NR2F6: variants seen among roughly 807,000 people sequenced by gnomAD.
NR2F6 encodes the protein nuclear receptor subfamily 2 group F member 6, also known as ERBA-related gene-2.
In NR2F6, 16 loss-of-function variants were observed where a neutral mutation model predicts 26.5. The observed-to-expected ratio is 0.60, with a 90% CI of 0.41 to 0.92. The LOEUF is 0.92. Among genes scored for constraint, NR2F6 ranks in the 40% least tolerant of loss-of-function variants. NR2F6 has a pLI of 0.00. For missense variants in NR2F6, 536 were observed against 631.7 expected (o/e 0.85, Z 1.62); for synonymous variants, 325 against 305.0 (o/e 1.07, Z -0.68).
At chr19:17,238,406 T>A (rs1011606439) in intron 2 of NR2F6, among the ~76,000 whole-genome samples, 1 of 152,006 alleles carries the variant, frequency 6.6e-6, no homozygotes, top group Non-Finnish European at 1.5e-5. Flanking sequence ...AGGTGATGTT[T>A]GAGCAAACCT....
intron 2 of NR2F6, among the ~76,000 whole-genome samples, chr19:17,236,794 G>A (rs1263884992): frequency 7.6e-6 from 1 of 131,742 alleles, no homozygotes; most frequent in African/African-American, 3.4e-5. Context: ...GTAAGGAGGG[G>A]TCCCAGGGGG....
chr19:17,245,061 C>A lies in NR2F6; in HGVS notation c.160G>T (p.Val54Leu). 6.3e-7 allele frequency: 1 copy of A among 1,599,734 alleles called. No homozygotes were observed. Residue 54 changes from valine (V) to leucine (L), a missense_variant, in exon 1 of 4, where the codon GTG (valine) becomes TTG (leucine). By Grantham distance (32) the Val-to-Leu change is conservative (BLOSUM62 1). Transcript: ENST00000291442. The surrounding 1 kb of genome is among the most constrained non-coding windows in gnomAD (Gnocchi z 5.0). Reference sequence around the variant, plus strand: ...TTGTCCCCGCACACCACGCAGTCCACCTGCAGCCCCGGCCGCTCCTCGTCG... The same window carrying A: ...TTGTCCCCGCACACCACGCAGTCCAACTGCAGCCCCGGCCGCTCCTCGTCG... ...PGDEERPGLQVDCVVCGDKSS... is the reference protein window; with the variant it reads ...PGDEERPGLQLDCVVCGDKSS...
chr19:17,244,743 G>A (rs551698602), intron 1 of NR2F6, among the ~76,000 whole-genome samples, 200 bp downstream of exon 1: 2 of 152,186 alleles, frequency 1.3e-5, no homozygotes, highest in Non-Finnish European at 2.9e-5. Context: ...GATGGGGGGG[G>A]AACCTGCAAC....
At chr19:17,238,467 T>C (rs2073451184) in intron 2 of NR2F6, among the ~76,000 whole-genome samples, 1 of 152,082 alleles carries the variant, frequency 6.6e-6, no homozygotes, top group Non-Finnish European at 1.5e-5. Context: ...AAAAGTGCAC[T>C]CCAGGCAGAG....
chr19:17,240,167 G>T (rs556843572), intron 2 of NR2F6, among the ~76,000 whole-genome samples: 2 of 152,358 alleles, frequency 1.3e-5, no homozygotes, highest in East Asian at 3.9e-4. Context: ...GCTGCCCTTT[G>T]CCTTAATCGG....
At chr19:17,240,266 C>T (rs73509903) in intron 2 of NR2F6, among the ~76,000 whole-genome samples, 3,200 of 152,264 alleles carry the variant, frequency 0.021, 87 homozygotes, top group Admixed American at 0.055. Flanking sequence ...TTGTTCAGAA[C>T]GCGGTGGCCG....
chr19:17,242,723 G>A (rs999281740), intron 1 of NR2F6, among the ~76,000 whole-genome samples: 12 of 152,200 alleles, frequency 7.9e-5, no homozygotes, highest in Admixed American at 1.3e-4. Context: ...GGCCTGGGGC[G>A]GCCCTGCAGG....
In NR2F6 at chr19:17,231,999, A is replaced by T. The variant is rs2073409966; in HGVS notation, c.*353T>A. ...GCTAGCTACCCCTGCCCACTGGAGC[A>T]GCCCCTCTGGCCGACGCCAGGCCTT... On this transcript the variant is annotated 3_prime_UTR_variant, in exon 4 of 4. Coordinates refer to ENST00000291442, the MANE Select transcript of NR2F6 (RefSeq NM_005234.4). 1 of 298,722 alleles carries T rather than the reference A, an allele frequency of 3.3e-6. No homozygotes were observed. Among genetic ancestry groups the T allele is most frequent in the South Asian group, 3.9e-5 (1 of 25,426 alleles). 18.5% of individuals were successfully genotyped at this position (298,722 alleles called of 1,614,324 possible).
At position 17,232,656 on chromosome 19, in the gene NR2F6, G is replaced by A. The variant is rs753504949; in HGVS notation, c.941-30C>T. Reference sequence around the variant, plus strand: ...GGGGACAAAGGCAAGTCAGACAGGTGGGAGGCAGCTAGAGAACACAGAGCC... The same window carrying A: ...GGGGACAAAGGCAAGTCAGACAGGTAGGAGGCAGCTAGAGAACACAGAGCC... On this transcript the variant is annotated intron_variant, in intron 3 of 3. Transcript: ENST00000291442. The A allele has an allele frequency of 2.6e-6, 4 of 1,513,076 alleles. No homozygotes were observed. In the Admixed American group the frequency reaches 6.5e-5, roughly 24 times the overall value. The allele number at this position is 1,513,076 out of a possible 1,614,324, so 93.7% of individuals were successfully genotyped here.
intron 2 of NR2F6, among the ~76,000 whole-genome samples, chr19:17,238,751 C>T (rs762570155): frequency 1.3e-5 from 2 of 152,184 alleles, no homozygotes; most frequent in African/African-American, 2.4e-5. Context: ...CTCAGCTTCT[C>T]CCACCAAGGC....
chr19:17,238,936 C>G (rs1199678511), intron 2 of NR2F6, among the ~76,000 whole-genome samples: 1 of 152,140 alleles, frequency 6.6e-6, no homozygotes, highest in South Asian at 2.1e-4. Context: ...TGGGGTGGCT[C>G]ATGCCTATAA....
intron 2 of NR2F6, among the ~76,000 whole-genome samples, chr19:17,238,182 T>C (rs2145566108): frequency 6.6e-6 from 1 of 152,190 alleles, no homozygotes; most frequent in Non-Finnish European, 1.5e-5. Flanking sequence ...TACCTTAAAA[T>C]AATGCCTGCC....
intron 3 of NR2F6, among the ~76,000 whole-genome samples, chr19:17,233,099 A>G (rs2073416896): frequency 6.6e-6 from 1 of 152,188 alleles, no homozygotes; most frequent in Non-Finnish European, 1.5e-5. Flanking sequence ...GTGAGCCGAG[A>G]TCGTGCCACT....
chr19:17,238,973 A>T (rs998002155), intron 2 of NR2F6, among the ~76,000 whole-genome samples: 3 of 151,496 alleles, frequency 2.0e-5, no homozygotes, highest in Admixed American at 6.6e-5. Context: ...GGCTGAGGCG[A>T]GCGGATCACC....
Position 17,235,939 on chromosome 19 carries a change from G to A in NR2F6, c.500C>T (p.Ser167Phe). 1 of 1,483,908 alleles carries A rather than the reference G, an allele frequency of 6.7e-7. No individual in the cohort carries two copies. Among genetic ancestry groups the A allele is most frequent in the Non-Finnish European group, 8.9e-7 (1 of 1,124,108 alleles). The allele number at this position is 1,483,908 out of a possible 1,614,324, so 91.9% of individuals were successfully genotyped here. ...GCGCAGCAGCTGCGCGATCAGTTCG[G>A]ACACCGGCTGCCCCGGGAAGAGGTC... ...GGDLFPGQPV[S>F]ELIAQLLRAE... The change falls in exon 3 of 4, where the codon TCC becomes TTC. Residue 167 changes from serine (S) to phenylalanine (F), a missense_variant. Ser to Phe is a radical substitution (Grantham distance 155). Transcript: ENST00000291442. This position sits in a 1 kb window ranked among gnomAD's most constrained non-coding sequence, Gnocchi z 5.0.
chr19:17,244,129 T>TAGG (rs2073483397), intron 1 of NR2F6: 1 of 152,306 alleles, frequency 6.6e-6, no homozygotes, highest in Non-Finnish European at 1.5e-5. Flanking sequence ...GTCTCCGACC[T>TAGG]GGGACAGCCC....
intron 1 of NR2F6, 70 bp from the exon 2 acceptor site, chr19:17,240,835 G>A (rs1051717907): frequency 1.1e-5 from 16 of 1,450,460 alleles, no homozygotes; most frequent in Middle Eastern, 3.6e-4. Flanking sequence ...CCTATGAGCC[G>A]CCTTTGGAGG....
intron 2 of NR2F6, among the ~76,000 whole-genome samples, chr19:17,237,600 C>T (rs1007707213): frequency 6.6e-6 from 1 of 152,008 alleles, no homozygotes; most frequent in East Asian, 1.9e-4. Context: ...TTAGTAGAGA[C>T]GGGGTTTCAC....
intron 2 of NR2F6, among the ~76,000 whole-genome samples, chr19:17,240,420 C>T (rs1440139959): frequency 6.6e-6 from 1 of 152,140 alleles, no homozygotes; most frequent in African/African-American, 2.4e-5. Context: ...GCCTCTTCAG[C>T]TCCACGGCAG....
Sources: allele counts gnomAD v4.1 joint callset (sites outside exome capture counted in the v4.1 genomes callset), GRCh38; gene constraint gnomAD v4.1.1; non-coding constraint Gnocchi (gnomAD v3.1); transcripts MANE v1.5; gene names NCBI Gene and HGNC (gene_info 2026-07-23, HGNC 2026-07-21).